OVCH1: variants seen among roughly 807,000 people sequenced by gnomAD.
OVCH1 encodes the protein ovochymase 1.
OVCH1 carries 139 observed loss-of-function variants against 138.4 expected under a neutral mutation model. The ratio of observed to expected loss-of-function variants is 1.00; its 90% confidence interval spans 0.87 to 1.16. The LOEUF (loss-of-function observed/expected upper bound fraction) is 1.16, where lower values mean the gene tolerates loss of function less well. Ranked by LOEUF, OVCH1 falls within the 50% of genes most tolerant of loss-of-function variation. The pLI is 0.00. For missense variants in OVCH1, 1,367 were observed against 1,357.9 expected, an observed-to-expected ratio of 1.01 and a Z score of -0.11; for synonymous variants, 453 against 467.8, an observed-to-expected ratio of 0.97 and a Z score of 0.41.
intron 12 of OVCH1, among the ~76,000 whole-genome samples, chr12:29,476,794 CACACACACACACAG>C (rs34445727): frequency 0.17 from 17,457 of 104,058 alleles, 1,270 homozygotes; most frequent in Middle Eastern, 0.38. Context: ...CACACACACA[CACACACACACACAG>C]GTTAGTAAAT....
intron 27 of OVCH1, among the ~76,000 whole-genome samples, chr12:29,431,379 G>A (rs1472236503): frequency 2.0e-5 from 3 of 151,888 alleles, no homozygotes; most frequent in African/African-American, 7.3e-5. Context: ...TTGAAGCTGC[G>A]GTGAACCATG....
chr12:29,455,219 T>C (rs755519441), intron 20 of OVCH1, 30 bp downstream of exon 20: 6 of 1,604,904 alleles, frequency 3.7e-6, no homozygotes, highest in East Asian at 4.5e-5. Context: ...AAAGAGGTTA[T>C]TGTTTTAATA....
downstream of OVCH1, among the ~76,000 whole-genome samples, chr12:29,427,255 T>TA (rs1206647098): frequency 1.3e-5 from 2 of 152,176 alleles, no homozygotes; most frequent in Admixed American, 1.3e-4. Flanking sequence ...CTTTTTCTTT[T>TA]AAAAATCAAA....
intron 8 of OVCH1, among the ~76,000 whole-genome samples, chr12:29,480,773 C>G (rs1942904133): frequency 6.6e-6 from 1 of 152,100 alleles, no homozygotes; most frequent in Admixed American, 6.6e-5. Flanking sequence ...TCTCCTCCTT[C>G]TTTATATTAT....
At chr12:29,438,691 T>C (rs959307718) in intron 26 of OVCH1, among the ~76,000 whole-genome samples, 2 of 152,224 alleles carry the variant, frequency 1.3e-5, no homozygotes, top group Non-Finnish European at 2.9e-5. Context: ...ATTGTATGGC[T>C]TTTATTACTA....
exon 7 of OVCH1, chr12:29,487,880 C>T: frequency 2.5e-6 from 4 of 1,602,312 alleles, no homozygotes; most frequent in Non-Finnish European, 3.4e-6. Context: ...CTCCAGAGTC[C>T]CCCTTTCATG....
chr12:29,462,923 A>C (rs980122168), intron 18 of OVCH1, among the ~76,000 whole-genome samples: 4 of 152,138 alleles, frequency 2.6e-5, no homozygotes, highest in Admixed American at 2.6e-4. Context: ...AGTGTTACTG[A>C]CCATATCCCA....
intron 4 of OVCH1, among the ~76,000 whole-genome samples, chr12:29,492,423 G>A (rs980883961): frequency 6.6e-6 from 1 of 152,078 alleles, no homozygotes; most frequent in African/African-American, 2.4e-5. Context: ...TAAATGTAGT[G>A]GAGAACCATT....
At chr12:29,415,123 A>C (rs1237443468) in intron 3 of OVCH1, among the ~76,000 whole-genome samples, 1 of 152,220 alleles carries the variant, frequency 6.6e-6, no homozygotes, top group Non-Finnish European at 1.5e-5. Flanking sequence ...ACAGTTATAG[A>C]TAAGTTACTA....
At chr12:29,429,357 G>T (rs908414596) in intron 27 of OVCH1, among the ~76,000 whole-genome samples, 1 of 152,180 alleles carries the variant, frequency 6.6e-6, no homozygotes, top group African/African-American at 2.4e-5. Context: ...GATCCAGTGA[G>T]TGTGATCTCA....
chr12:29,449,560 C>T (rs1292353511), intron 22 of OVCH1, among the ~76,000 whole-genome samples: 3 of 152,026 alleles, frequency 2.0e-5, no homozygotes, highest in African/African-American at 7.2e-5. Context: ...TGTAGTTCTC[C>T]TTGAAGAGGT....
At chr12:29,472,816 C>A (rs1026193622) in intron 15 of OVCH1, among the ~76,000 whole-genome samples, 1 of 152,184 alleles carries the variant, frequency 6.6e-6, no homozygotes, top group Admixed American at 6.5e-5. Context: ...ATACCCTTTT[C>A]TTCCTAACCT....
intron 3 of OVCH1, 128 bp from the exon 4 acceptor site, chr12:29,495,585 C>CT: frequency 3.6e-6 from 3 of 832,766 alleles, no homozygotes. Context: ...GAAGGTTTTC[C>CT]TTATTATTGA....
intron 12 of OVCH1, 124 bp downstream of exon 12, chr12:29,476,978 A>T: frequency 5.9e-6 from 7 of 1,190,132 alleles, no homozygotes; most frequent in African/African-American, 1.5e-5. Context: ...AGTAAAAAAA[A>T]ATGGCAAATG....
At chr12:29,421,713 C>G (rs532615121) in intron 3 of OVCH1, among the ~76,000 whole-genome samples, 1 of 152,052 alleles carries the variant, frequency 6.6e-6, no homozygotes, top group Non-Finnish European at 1.5e-5. Context: ...ATTCCATTCT[C>G]AAATTTAAAA....
chr12:29,443,408 C>T (rs1330266383), exon 25 of OVCH1: 4 of 1,611,696 alleles, frequency 2.5e-6, no homozygotes, highest in South Asian at 2.2e-5. Context: ...ACGCAGATGA[C>T]CATGACAGAC....
At chr12:29,405,057 C>A in the OVCH1 span, among the ~76,000 whole-genome samples, 16,624 of 80,024 alleles carry the variant, frequency 0.21, 1,215 homozygotes, top group East Asian at 0.25. Flanking sequence ...AAAAAAAAAA[C>A]AAAAGAAATG....
chr12:29,448,473 G>A (rs1407136078), intron 22 of OVCH1, among the ~76,000 whole-genome samples: 1 of 151,984 alleles, frequency 6.6e-6, no homozygotes, highest in African/African-American at 2.4e-5. Flanking sequence ...AGGACATGAG[G>A]CACAAGGATG....
rs4033114 is a variant in OVCH1 at position 29,439,451 on chromosome 12, A to AAAACAAAC, written c.3158-25_3158-18dup. 3.4e-6 allele frequency: 5 copies of AAAACAAAC among 1,482,842 alleles called. No homozygotes were observed. In the African/African-American group the frequency reaches 5.7e-5, roughly 17 times the overall value. 91.9% of individuals were successfully genotyped at this position (1,482,842 alleles called of 1,614,324 possible). On this transcript the variant is annotated splice_polypyrimidine_tract_variant and intron_variant, in intron 25 of 27. Coordinates refer to ENST00000318184, the Ensembl canonical transcript of OVCH1. ...CGAATGAAGCTAAGATGGTCTGAGA[A>AAAACAAAC]AAACAAACAAACAAACAAACAAAAA...
Sources: allele counts gnomAD v4.1 joint callset (sites outside exome capture counted in the v4.1 genomes callset), GRCh38; gene constraint gnomAD v4.1.1; transcripts MANE v1.5; gene names NCBI Gene and HGNC (gene_info 2026-07-23, HGNC 2026-07-21).